GFUS: variants seen among roughly 807,000 people sequenced by gnomAD.
GFUS encodes GDP-L-fucose synthase, also known as 3-5 epimerase/4-reductase.
In GFUS, 42 loss-of-function variants were observed where a neutral mutation model predicts 41.5. The observed-to-expected ratio is 1.01, with a 90% CI of 0.79 to 1.31. The LOEUF (loss-of-function observed/expected upper bound fraction) is 1.31. GFUS is among the 50% of genes most tolerant of loss of function. The pLI, the probability that GFUS is intolerant of heterozygous loss-of-function variation, is 0.00. For missense variants in GFUS, 437 were observed against 428.7 expected, an observed-to-expected ratio of 1.02 and a Z score of -0.17; for synonymous variants, 188 against 173.4, an observed-to-expected ratio of 1.08 and a Z score of -0.66.
chr8:143,614,386 C>A lies in GFUS; in HGVS notation c.532G>T (p.Asp178Tyr), dbSNP rs140641547. ...TGGCCATCCTCGATGTTGAAGTTGT[C>A]GTGGGGCCCGAAGACGTTGGTGGGG... ...VIPTNVFGPH[D>Y]NFNIEDGHVL... The change falls in exon 6 of 11, where the codon GAC becomes TAC. Residue 178 changes from aspartate to tyrosine, a missense_variant. Physicochemically the swap from Asp to Tyr is radical, Grantham distance 160 (BLOSUM62 -3). Transcript: ENST00000425753. The A allele has an allele frequency of 1.2e-6, 2 of 1,613,966 alleles. No homozygotes were observed. Among genetic ancestry groups the A allele is most frequent in the Admixed American group, 3.3e-5 (2 of 60,020 alleles).
At chr8:143,615,246 C>T (rs1019914149) in intron 3 of GFUS, among the ~76,000 whole-genome samples, 1 of 152,154 alleles carries the variant, frequency 6.6e-6, no homozygotes, top group Non-Finnish European at 1.5e-5. Context: ...TGGCCCTGGG[C>T]TGGGCTGGGG....
chr8:143,617,813 G>A (rs947092024), upstream of GFUS: 6 of 152,270 alleles, frequency 3.9e-5, no homozygotes, highest in Admixed American at 3.3e-4. Flanking sequence ...GCGCCGCGCG[G>A]GATGCCCGCG....
rs79968246 is a variant in GFUS, at chr8:143,614,019, G to C, written c.663+145C>G. The C allele has an allele frequency of 2.6e-3, 3,248 of 1,236,128 alleles. 60 individuals are homozygous for C. The African/African-American group carries it at 0.042, about 16-fold the overall frequency. 76.6% of individuals were successfully genotyped at this position (1,236,128 alleles called of 1,614,324 possible). A position where few individuals can be genotyped will look rare whatever the true frequency, so the allele number is the denominator to read the frequency against. ...GCCTATGGGGCCTCCACGAGGACCA[G>C]AGATGGCTCCTCTTGGAGCTCAGCC... On this transcript the variant is annotated intron_variant, in intron 7 of 10. Transcript: ENST00000425753.
At position 143,614,316 on chromosome 8, in the gene GFUS, T is replaced by C; in HGVS notation, c.598+4A>G. ...CGGGCACCCCATCGGACGGACGCAC[T>C]CACTCTTGGCCAGGTGCACCTTGTG... On this transcript the variant is annotated splice_donor_region_variant and intron_variant, in intron 6 of 10. Transcript: ENST00000425753. The C allele has an allele frequency of 6.2e-7, 1 of 1,613,512 alleles. No homozygotes were observed. Among genetic ancestry groups the C allele is most frequent in the Non-Finnish European group, 8.5e-7 (1 of 1,179,784 alleles).
chr8:143,615,026 G>A (rs920063750), intron 3 of GFUS, 111 bp from the exon 4 acceptor site: 1 of 1,474,830 alleles, frequency 6.8e-7, no homozygotes. Context: ...GCCCTGGGAG[G>A]ACCCAAGCCT....
chr8:143,614,047 G>A (rs1420587337), intron 7 of GFUS, 117 bp downstream of exon 7: 2 of 1,424,106 alleles, frequency 1.4e-6, no homozygotes, highest in East Asian at 4.9e-5. Flanking sequence ...GCTCAGCCCA[G>A]ATTCTCTGCT....
intron 3 of GFUS, chr8:143,615,782 C>G (rs1000195461): frequency 9.5e-6 from 3 of 314,784 alleles, no homozygotes; most frequent in Non-Finnish European, 1.8e-5. Context: ...TCCAGAGGCC[C>G]TGGGGACTCA....
In GFUS at chr8:143,614,618, G is replaced by C; in HGVS notation, c.464+6C>G. The C allele has an allele frequency of 6.3e-7, 1 of 1,583,006 alleles. No individual in the cohort carries two copies. The highest frequency in any genetic ancestry group is 2.3e-5 in the East Asian group (1 of 44,354). ...GGCTGGGCCTCAGCAGGATGGGCGC[G>C]AGGACCTGTTCTGCACGTCGATCAT... On this transcript the variant is annotated splice_donor_region_variant and intron_variant, in intron 5 of 10. Transcript: ENST00000425753.
chr8:143,613,334 C>T (rs762044456), intron 9 of GFUS, 39 bp from the exon 10 acceptor site: 6 of 1,587,612 alleles, frequency 3.8e-6, no homozygotes, highest in Non-Finnish European at 2.6e-6. Context: ...AAGAGCACCT[C>T]CACCCCAGCC....
chr8:143,615,346 G>A (rs573690865), intron 3 of GFUS, among the ~76,000 whole-genome samples: 5 of 152,284 alleles, frequency 3.3e-5, no homozygotes, highest in East Asian at 1.9e-4. Context: ...TGGAGCCTGC[G>A]CTTGCCGGGT....
intron 7 of GFUS, 94 bp downstream of exon 7, chr8:143,614,070 C>T (rs1829651989): frequency 2.0e-6 from 3 of 1,526,222 alleles, no homozygotes; most frequent in African/African-American, 1.4e-5. Context: ...TAGGAGCCTC[C>T]CTCCTGCACC....
chr8:143,613,675 C>G, intron 8 of GFUS, 72 bp from the exon 9 acceptor site: 1 of 1,576,998 alleles, frequency 6.3e-7, no homozygotes, highest in Non-Finnish European at 8.6e-7. Flanking sequence ...TGCTCCCACC[C>G]CTCAGCCAGC....
In GFUS at chr8:143,614,500, C is replaced by T. The variant is rs568338456; in HGVS notation, c.465-47G>A. 16 of 1,580,886 alleles carry T rather than the reference C, an allele frequency of 1.0e-5. No individual in the cohort carries two copies. The Admixed American group carries it at 2.0e-4, about 20-fold the overall frequency. ...TGCCCTCGTCCTGGGCCCGCGATCCCACCCCAGGCTGCCGCTGGCCTCTTA... is the reference window on the plus strand; with the variant it reads ...TGCCCTCGTCCTGGGCCCGCGATCCTACCCCAGGCTGCCGCTGGCCTCTTA... On this transcript the variant is annotated intron_variant, in intron 5 of 10. Coordinates refer to ENST00000425753, the MANE Select transcript of GFUS (RefSeq NM_003313.4).
chr8:143,612,641 G>A lies in GFUS; in HGVS notation c.*269C>T. 1 of 581,320 alleles carries A rather than the reference G, an allele frequency of 1.7e-6. No individual in the cohort carries two copies. 36.0% of individuals were successfully genotyped at this position (581,320 alleles called of 1,614,324 possible). A position where few individuals can be genotyped will look rare whatever the true frequency, so the allele number is the denominator to read the frequency against. ...AGGCCTGTGAAAATGCACTTTATTGGCTCCCAGGGAGTGGGATGCAGGATC... is the reference window on the plus strand; with the variant it reads ...AGGCCTGTGAAAATGCACTTTATTGACTCCCAGGGAGTGGGATGCAGGATC... On this transcript the variant is annotated 3_prime_UTR_variant, in exon 11 of 11. Transcript: ENST00000425753.
chr8:143,615,454 G>T (rs1022884562), intron 3 of GFUS, among the ~76,000 whole-genome samples: 2 of 152,228 alleles, frequency 1.3e-5, no homozygotes, highest in South Asian at 4.1e-4. Context: ...TGGCCAGGCA[G>T]CCTGCTGGGA....
intron 3 of GFUS, among the ~76,000 whole-genome samples, chr8:143,615,296 C>A (rs7844633): frequency 0.21 from 31,194 of 152,116 alleles, 3,666 homozygotes; most frequent in East Asian, 0.53. Context: ...ACTTCCCCAC[C>A]CTGGAGGAGC....
At chr8:143,613,408 C>A in intron 9 of GFUS, 113 bp from the exon 10 acceptor site, 1 of 1,484,816 alleles carries the variant, frequency 6.7e-7, no homozygotes. Flanking sequence ...CCTCCGCCTG[C>A]CAGGGTGAGC....
chr8:143,616,646 T>C lies in GFUS; in HGVS notation c.67A>G (p.Ile23Val). ...TGGSGLVGKA[I>V]QKVVADGAGL... is the part of the protein sequence containing the mutation. ...GCTCCATCTGCTACCACCTTCTGGA[T>C]GGCTTTGCCTACCAGCCCAGAGCCC... Residue 23 changes from isoleucine to valine, a missense_variant, in exon 2 of 11, where the codon ATC (isoleucine) becomes GTC (valine). Physicochemically the swap from Ile to Val is conservative, Grantham distance 29 (BLOSUM62 3). Coordinates refer to ENST00000425753, the MANE Select transcript of GFUS (RefSeq NM_003313.4). 1.2e-6 allele frequency: 2 copies of C among 1,613,866 alleles called. No individual in the cohort carries two copies. The highest frequency in any genetic ancestry group is 1.7e-6 in the Non-Finnish European group (2 of 1,180,008).
rs1370367907 is a variant in GFUS at position 143,616,720 on chromosome 8, G to A, written c.-8C>T. 6.2e-7 allele frequency: 1 copy of A among 1,613,592 alleles called. No homozygotes were observed. Among genetic ancestry groups the A allele is most frequent in the Non-Finnish European group, 8.5e-7 (1 of 1,179,978 alleles). ...TCCCTGGGGTTCACCCATGTCAGTT[G>A]CACCTGTAATGTCAAACAGTGGGAG... On this transcript the variant is annotated 5_prime_UTR_variant, in exon 2 of 11. Coordinates refer to ENST00000425753, the MANE Select transcript of GFUS (RefSeq NM_003313.4).
Sources: gnomAD v4.1 joint callset for allele counts (sites outside exome capture counted in the v4.1 genomes callset) on GRCh38, gnomAD v4.1.1 for gene constraint, MANE v1.5 for transcripts, NCBI Gene and HGNC (gene_info 2026-07-23, HGNC 2026-07-21) for gene names.